ZNF75D: variants seen among roughly 807,000 people sequenced by gnomAD.
ZNF75D encodes zinc finger protein 75.
In ZNF75D, 33 loss-of-function variants were observed where a neutral mutation model predicts 33.3. The ratio of observed to expected loss-of-function variants is 0.99; its 90% CI spans 0.75 to 1.32. ZNF75D has a LOEUF of 1.32. ZNF75D is among the 40% of genes most tolerant of loss of function. The pLI is 0.00. For synonymous variants in ZNF75D, 113 were observed against 130.6 expected, an observed-to-expected ratio of 0.87 and a Z score of 0.92; for missense variants, 338 against 367.5, an observed-to-expected ratio of 0.92 and a Z score of 0.66.
At chrX:135,257,199 A>G (rs1382150552) in intron 1 of ZNF75D, among the ~76,000 whole-genome samples, 2 of 112,801 alleles carry the variant, frequency 1.8e-5, no homozygotes, top group African/African-American at 6.4e-5. Flanking sequence ...CCAGTGCAGT[A>G]GAGCAAGAAG....
intron 1 of ZNF75D, among the ~76,000 whole-genome samples, chrX:135,265,196 G>A (rs1269810130): frequency 9.3e-6 from 1 of 107,837 alleles, no homozygotes; most frequent in African/African-American, 3.4e-5. Context: ...TCTAGCCTGG[G>A]CAACAAGAGT....
chrX:135,340,302 A>C (rs2084768657), intron 1 of ZNF75D, among the ~76,000 whole-genome samples: 1 of 112,059 alleles, frequency 8.9e-6, no homozygotes, highest in Non-Finnish European at 1.9e-5. Flanking sequence ...TCTACATAAT[A>C]GTTCATCAAA....
Position 135,268,440 on chromosome X carries a change from G to A in ZNF75D, n.828-12663C>T, listed in dbSNP as rs542479605. Among the ~76,000 whole-genome samples, 9 of 109,382 alleles carry A rather than the reference G, an allele frequency of 8.2e-5. No individual in the cohort carries two copies. In the South Asian group the frequency reaches 3.6e-3, roughly 44 times the overall value. The allele number at this position is 109,382 out of a possible 115,157, so 95.0% of individuals were successfully genotyped here. On this transcript the variant is annotated intron_variant and non_coding_transcript_variant, in intron 1 of 3. Coordinates refer to the ZNF75D transcript ENST00000494295. ...TTACAAAATCAATATACAAAAATCA[G>A]TAGCCTTTCTATATGCCAACAGTGA...
downstream of ZNF75D, chrX:135,285,672 A>G (rs372158198): frequency 1.8e-4 from 20 of 112,167 alleles, no homozygotes; most frequent in East Asian, 5.5e-4. Context: ...AGTAGCCCTA[A>G]GAAGTAGGAA....
At position 135,292,393 on chromosome X, in the gene ZNF75D, T is replaced by C. The variant is rs782697062; in HGVS notation, c.492A>G (p.Ala164=). The C allele has an allele frequency of 8.3e-7, 1 of 1,211,610 alleles. No homozygotes were observed. Among genetic ancestry groups the C allele is most frequent in the South Asian group, 1.8e-5 (1 of 56,986 alleles). Residue 164 remains alanine (A), a synonymous_variant, in exon 4 of 7, where the codon GCA becomes GCG. Transcript: ENST00000370766. ...GGAACACACCCATTGGTTGGGGCTC[T>C]GCTGGCTTCCACTTGAAGCCTGGGG... The part of the protein sequence containing the change: ...AVAPGFKWKP[A]EPQPMGVFQK...
At chrX:135,289,627 G>GACACACAC (rs60550937) in intron 6 of ZNF75D, among the ~76,000 whole-genome samples, 4 of 88,915 alleles carry the variant, frequency 4.5e-5, no homozygotes, top group Admixed American at 3.8e-4. Context: ...CACACACACA[G>GACACACAC]ACACACACAC....
chrX:135,305,518 T>C (rs782525774), intron 1 of ZNF75D, among the ~76,000 whole-genome samples: 1 of 111,676 alleles, frequency 9.0e-6, no homozygotes, highest in South Asian at 3.8e-4. Flanking sequence ...TTTTTCTCAA[T>C]TGAAGAAGTA....
intron 1 of ZNF75D, among the ~76,000 whole-genome samples, chrX:135,337,096 T>C (rs932902005): frequency 5.4e-5 from 6 of 112,020 alleles, no homozygotes; most frequent in South Asian, 3.7e-4. Flanking sequence ...TAAACAGATA[T>C]TCATTAAAGG....
chrX:135,321,895 G>A (rs782137508), intron 1 of ZNF75D, among the ~76,000 whole-genome samples: 4 of 112,072 alleles, frequency 3.6e-5, no homozygotes, highest in African/African-American at 1.3e-4. Flanking sequence ...AGGAGCCAGA[G>A]AGCTCAGGGT....
At chrX:135,338,261 T>A (rs726546) in intron 1 of ZNF75D, among the ~76,000 whole-genome samples, 28,618 of 110,006 alleles carry the variant, frequency 0.26, 2,931 homozygotes, top group South Asian at 0.44. Context: ...AGACTCAGAA[T>A]TGTCTCCGCA....
At chrX:135,282,094 A>C (rs375223061), downstream of ZNF75D, among the ~76,000 whole-genome samples, 39 of 112,082 alleles carry the variant, frequency 3.5e-4, 1 homozygote, top group South Asian at 0.014. Context: ...GCCCACAGCC[A>C]CCTCTTCCCC....
In ZNF75D at chrX:135,294,013, A is replaced by G; in HGVS notation, c.128T>C (p.Leu43Pro). 1 of 1,212,034 alleles carries G rather than the reference A, an allele frequency of 8.3e-7. No individual in the cohort carries two copies. The highest frequency in any genetic ancestry group is 1.1e-6 in the Non-Finnish European group (1 of 895,550). ...GTGCCTGCAAGCGCTCTCAGGACCA[A>G]GATTCTCTATTTTTGTGCTGTATTT... ...SKKYSTKIEN[L>P]GPESACRHFW... is the part of the protein sequence containing the mutation. The change falls in exon 3 of 7, where the codon CTT (leucine) becomes CCT (proline). Residue 43 changes from leucine (L) to proline (P), a missense_variant. Transcript: ENST00000370766.
chrX:135,276,310 T>C (rs1196908290), intron 1 of ZNF75D, among the ~76,000 whole-genome samples: 2 of 111,822 alleles, frequency 1.8e-5, no homozygotes, highest in African/African-American at 6.5e-5. Context: ...AAAATCATAC[T>C]TTTTTTATAT....
At chrX:135,307,733 C>T (rs2084306657) in intron 1 of ZNF75D, among the ~76,000 whole-genome samples, 1 of 112,116 alleles carries the variant, frequency 8.9e-6, no homozygotes, top group Admixed American at 9.4e-5. Flanking sequence ...GTGTGAGACA[C>T]AGCAGTGTTT....
chrX:135,266,319 A>G (rs2083862923), intron 1 of ZNF75D, among the ~76,000 whole-genome samples: 1 of 112,028 alleles, frequency 8.9e-6, no homozygotes, highest in Admixed American at 9.5e-5. Context: ...TCTTCAATCA[A>G]AAGACATAGA....
chrX:135,257,284 C>A (rs2083807894), intron 1 of ZNF75D, among the ~76,000 whole-genome samples: 1 of 112,233 alleles, frequency 8.9e-6, no homozygotes, highest in Non-Finnish European at 1.9e-5. Flanking sequence ...TACGGGAGCC[C>A]ACTGCCCTGC....
intron 1 of ZNF75D, among the ~76,000 whole-genome samples, chrX:135,308,203 G>A (rs1057469922): frequency 8.9e-6 from 1 of 112,271 alleles, no homozygotes. Context: ...GAGAGCAGTC[G>A]TGAGTAATCA....
In ZNF75D at chrX:135,287,213, A is replaced by C. The variant is rs1556419757; in HGVS notation, c.1457T>G (p.Phe486Cys). The C allele has an allele frequency of 8.3e-7, 1 of 1,211,177 alleles. No individual in the cohort carries two copies. The highest frequency in any genetic ancestry group is 1.8e-5 in the South Asian group (1 of 56,789). ...PYTCSLCKRN[F>C]SRRSSLLRHQ... is the part of the protein sequence containing the mutation. The stretch of plus-strand genomic sequence containing the variant: ...TCTAAGAAGGCTCGATCGCCTACTA[A>C]AGTTTCTCTTGCATAAGCTACACGT... The change falls in exon 7 of 7, where the codon TTT becomes TGT. Residue 486 changes from phenylalanine (F) to cysteine (C), a missense_variant. By Grantham distance (205) the Phe-to-Cys change is radical (BLOSUM62 -2). Transcript: ENST00000370766.
At chrX:135,281,589 C>G (rs1181474435), downstream of ZNF75D, among the ~76,000 whole-genome samples, 1 of 111,737 alleles carries the variant, frequency 8.9e-6, no homozygotes, top group East Asian at 2.8e-4. Context: ...GAATTTTCAG[C>G]CTTTTTGTGC....
Sources: allele counts gnomAD v4.1 joint callset (sites outside exome capture counted in the v4.1 genomes callset), GRCh38; gene constraint gnomAD v4.1.1; transcripts MANE v1.5; gene names NCBI Gene and HGNC (gene_info 2026-07-23, HGNC 2026-07-21).